GALNT5: variants seen among roughly 807,000 people sequenced by gnomAD.
The protein encoded by GALNT5 is UDP-GalNAc:polypeptide N-acetylgalactosaminyltransferase 5.
In GALNT5, 72 loss-of-function variants were observed where a neutral mutation model predicts 85.4. The ratio of observed to expected loss-of-function variants is 0.84; its 90% confidence interval spans 0.70 to 1.03. GALNT5 has a LOEUF of 1.03. Ranked by LOEUF, GALNT5 falls within the 50% of genes least tolerant of loss-of-function variation. GALNT5 has a pLI of 0.00. For missense variants in GALNT5, 1,137 were observed against 1,135.5 expected, an observed-to-expected ratio of 1.00 and a Z score of -0.02; for synonymous variants, 404 against 397.0, an observed-to-expected ratio of 1.02 and a Z score of -0.21.
intron 1 of GALNT5, among the ~76,000 whole-genome samples, chr2:157,281,218 C>T (rs117974972): frequency 0.025 from 3,764 of 152,214 alleles, 159 homozygotes; most frequent in East Asian, 0.13. Context: ...GCACCCGCAA[C>T]GATGCCCAGC....
chr2:157,310,227 C>T (rs1363248009), intron 9 of GALNT5, among the ~76,000 whole-genome samples: 1 of 152,152 alleles, frequency 6.6e-6, no homozygotes, highest in Non-Finnish European at 1.5e-5. Context: ...TACACAGCTG[C>T]CTTCTGTCTT....
chr2:157,301,129 G>T (rs375393111), intron 7 of GALNT5, 130 bp downstream of exon 7: 1 of 675,554 alleles, frequency 1.5e-6, no homozygotes, highest in Non-Finnish European at 2.5e-6. Context: ...ATGGGACAAA[G>T]CATGGCTGAG....
chr2:157,265,883 G>A (rs557818607), intron 1 of GALNT5, among the ~76,000 whole-genome samples: 6 of 152,306 alleles, frequency 3.9e-5, no homozygotes, highest in East Asian at 1.9e-4. Context: ...CTCAACTGGC[G>A]TTGCTTCTAA....
At chr2:157,285,346 A>G (rs980911424) in intron 2 of GALNT5, among the ~76,000 whole-genome samples, 6 of 152,218 alleles carry the variant, frequency 3.9e-5, no homozygotes. Flanking sequence ...GGGCAGGTCC[A>G]GATTCTGTGG....
intron 1 of GALNT5, among the ~76,000 whole-genome samples, chr2:157,269,067 G>A (rs1682522440): frequency 6.6e-6 from 1 of 152,086 alleles, no homozygotes; most frequent in Non-Finnish European, 1.5e-5. Flanking sequence ...TACAACCTAT[G>A]CCAACTAGAT....
At chr2:157,269,517 A>G (rs971067866) in intron 1 of GALNT5, among the ~76,000 whole-genome samples, 1 of 152,180 alleles carries the variant, frequency 6.6e-6, no homozygotes, top group Non-Finnish European at 1.5e-5. Flanking sequence ...TTTGTCAACA[A>G]TTGGCAGAGG....
In GALNT5 at chr2:157,258,269, C is replaced by G; in HGVS notation, c.187C>G (p.Gln63Glu). 6.2e-7 allele frequency: 1 copy of G among 1,602,826 alleles called. No homozygotes were observed. The highest frequency in any genetic ancestry group is 2.2e-5 in the East Asian group (1 of 44,790). The change falls in exon 1 of 10, where the codon CAA becomes GAA. Residue 63 changes from glutamine to glutamate, a missense_variant. Coordinates refer to ENST00000259056, the MANE Select transcript of GALNT5 (RefSeq NM_014568.3). ...GATAGGATTCAGAGTTCAGCCAGAC[C>G]AAGGAAAAATTTTTTACAGCAGCAT... The part of the protein sequence containing the change: ...ERIGFRVQPD[Q>E]GKIFYSSIKE...
rs530276124 is a variant in GALNT5 at position 157,314,859 on chromosome 2, C to T, written c.*3511C>T. On this transcript the variant is annotated 3_prime_UTR_variant, in exon 10 of 10. Coordinates refer to ENST00000259056, the MANE Select transcript of GALNT5 (RefSeq NM_014568.3). The stretch of plus-strand genomic sequence containing the variant: ...CTTTAGGAGGCCAAGGTGGGTGGAT[C>T]ATGAGGTCAGGAGTTCAAGACCAGC... Among the ~76,000 whole-genome samples, 1 of 152,246 alleles carries T rather than the reference C, an allele frequency of 6.6e-6. No individual in the cohort carries two copies. The highest frequency in any genetic ancestry group is 2.4e-5 in the African/African-American group (1 of 41,562).
intron 3 of GALNT5, among the ~76,000 whole-genome samples, chr2:157,290,112 T>TATATATATACATATACAC (rs1416458086): frequency 7.2e-6 from 1 of 138,234 alleles, no homozygotes; most frequent in African/African-American, 3.1e-5. Context: ...TATATATATA[T>TATATATATACATATACAC]ACATACACAA....
rs1163262394 is a variant in GALNT5, at chr2:157,314,321, A to T, written c.*2973A>T. On this transcript the variant is annotated 3_prime_UTR_variant, in exon 10 of 10. Coordinates refer to ENST00000259056, the MANE Select transcript of GALNT5 (RefSeq NM_014568.3). The stretch of plus-strand genomic sequence containing the variant: ...ACCAAGCCATCTAAGTGCTTCTGAG[A>T]CTTTTCAGTTTGCACAATTTCTTTC... 1 of 152,020 alleles carries T rather than the reference A, an allele frequency of 6.6e-6. No individual in the cohort carries two copies. Among genetic ancestry groups the T allele is most frequent in the Non-Finnish European group, 1.5e-5 (1 of 68,032 alleles). The allele number at this position is 152,020 out of a possible 1,614,324, so 9.4% of individuals were successfully genotyped here. A position where few individuals can be genotyped will look rare whatever the true frequency, so the allele number is the denominator to read the frequency against.
At chr2:157,291,574 T>A (rs1683098796) in intron 3 of GALNT5, among the ~76,000 whole-genome samples, 2 of 151,058 alleles carry the variant, frequency 1.3e-5, no homozygotes, top group South Asian at 4.2e-4. Flanking sequence ...TAAGTGGGGG[T>A]CCATGCTCAA....
chr2:157,298,919 A>AC, intron 5 of GALNT5: 1 of 146,008 alleles, frequency 6.8e-6, no homozygotes, highest in South Asian at 2.3e-4. Flanking sequence ...GAGCGCAGCT[A>AC]CTCATATACC....
chr2:157,258,346 A>G lies in GALNT5; in HGVS notation c.264A>G (p.Lys88=). 6.2e-7 allele frequency: 1 copy of G among 1,604,964 alleles called. No individual in the cohort carries two copies. Among genetic ancestry groups the G allele is most frequent in the African/African-American group, 1.3e-5 (1 of 74,448 alleles). The change falls in exon 1 of 10, where the codon AAA becomes AAG. Residue 88 remains lysine, a synonymous_variant. Transcript: ENST00000259056. ...LRGHGKGAWG[K]ENVRKTEESV... ...GACATGGGAAAGGGGCATGGGGCAA[A>G]GAGAATGTTAGAAAAACTGAGGAGA...
Position 157,311,863 on chromosome 2 carries a change from A to G in GALNT5, c.*515A>G, listed in dbSNP as rs1683579971. On this transcript the variant is annotated 3_prime_UTR_variant, in exon 10 of 10. Transcript: ENST00000259056. ...TGTGAAATCCCTCCAGACTACATGC[A>G]TGCTTACCTAACAGTTTGAAATAGT... 6.6e-6 allele frequency: 1 copy of G among 152,374 alleles called. No individual in the cohort carries two copies. The highest frequency in any genetic ancestry group is 6.5e-5 in the Admixed American group (1 of 15,280). 9.4% of individuals were successfully genotyped at this position (152,374 alleles called of 1,614,324 possible).
Position 157,300,679 on chromosome 2 carries a change from T to A in GALNT5, c.2119T>A (p.Trp707Arg). 6.2e-7 allele frequency: 1 copy of A among 1,607,430 alleles called. No homozygotes were observed. Among genetic ancestry groups the A allele is most frequent in the South Asian group, 1.1e-5 (1 of 90,908 alleles). ...GCTTATCATCAAATTCTTCCAGGTGTGGATGTGTGGTGGTGAAATTGAGAT... is the reference window on the plus strand; with the variant it reads ...GCTTATCATCAAATTCTTCCAGGTGAGGATGTGTGGTGGTGAAATTGAGAT... Reference protein sequence around the residue: ...GENMELSFKVWMCGGEIEIIP... With the variant: ...GENMELSFKVRMCGGEIEIIP... Residue 707 changes from tryptophan (W) to arginine (R), a missense_variant, in exon 7 of 10, where the codon TGG becomes AGG. Trp to Arg is a moderately radical substitution (Grantham distance 101). Transcript: ENST00000259056.
intron 1 of GALNT5, among the ~76,000 whole-genome samples, chr2:157,272,110 G>A (rs1682602236): frequency 6.6e-6 from 1 of 152,138 alleles, no homozygotes; most frequent in Admixed American, 6.6e-5. Context: ...CCATTGTAAG[G>A]TGGGTTAATA....
chr2:157,263,453 C>T lies in GALNT5; in HGVS notation c.1454+3917C>T, dbSNP rs577357624. Among the ~76,000 whole-genome samples, 198 of 152,270 alleles carry T rather than the reference C, an allele frequency of 1.3e-3. No individual in the cohort carries two copies. In the Middle Eastern group the frequency reaches 0.017, roughly 13 times the overall value. On this transcript the variant is annotated intron_variant, in intron 1 of 9. Coordinates refer to ENST00000259056, the MANE Select transcript of GALNT5 (RefSeq NM_014568.3). ...TCCTTCCACCTGGACCATGAGGTAGCTGTGACCTCTAAATTGCAATTACTC... is the reference window on the plus strand; with the variant it reads ...TCCTTCCACCTGGACCATGAGGTAGTTGTGACCTCTAAATTGCAATTACTC...
chr2:157,309,339 T>A (rs1323659496), intron 9 of GALNT5, among the ~76,000 whole-genome samples: 1 of 152,208 alleles, frequency 6.6e-6, no homozygotes, highest in Non-Finnish European at 1.5e-5. Context: ...CCACAGAAAT[T>A]GGAAGATGTT....
Position 157,311,404 on chromosome 2 carries a change from G to A in GALNT5, c.*56G>A. The A allele has an allele frequency of 8.7e-7, 1 of 1,151,246 alleles. No homozygotes were observed. Among genetic ancestry groups the A allele is most frequent in the Non-Finnish European group, 1.2e-6 (1 of 813,368 alleles). The allele number at this position is 1,151,246 out of a possible 1,614,324, so 71.3% of individuals were successfully genotyped here. A position where few individuals can be genotyped will look rare whatever the true frequency, so the allele number is the denominator to read the frequency against. ...CATTAAATACTGTGAAAATAACACT[G>A]AACTTGGAAACTATATTTCTCAGCG... On this transcript the variant is annotated 3_prime_UTR_variant, in exon 10 of 10. Coordinates refer to ENST00000259056, the MANE Select transcript of GALNT5 (RefSeq NM_014568.3).
Sources: allele counts gnomAD v4.1 joint callset (sites outside exome capture counted in the v4.1 genomes callset), GRCh38; gene constraint gnomAD v4.1.1; transcripts MANE v1.5; gene names NCBI Gene and HGNC (gene_info 2026-07-23, HGNC 2026-07-21).